Variants in LYPD6 observed in about 807,000 individuals in gnomAD.
LYPD6 encodes the protein ly6/PLAUR domain-containing protein 6.
LYPD6 carries 15 observed loss-of-function variants against 22.7 expected under a neutral mutation model. The observed-to-expected ratio is 0.66, with a 90% confidence interval of 0.44 to 1.02. The LOEUF (loss-of-function observed/expected upper bound fraction) is 1.02. LYPD6 is among the 50% of genes least tolerant of loss of function. LYPD6 has a pLI of 0.00. For synonymous variants in LYPD6, 72 were observed against 77.5 expected (o/e 0.93, Z 0.37); for missense variants, 189 against 208.4 (o/e 0.91, Z 0.57).
At chr2:149,378,306 C>G (rs765039290) in intron 1 of LYPD6, among the ~76,000 whole-genome samples, 1 of 152,060 alleles carries the variant, frequency 6.6e-6, no homozygotes. Context: ...TTTATAGAGA[C>G]AGAATTTCGC....
chr2:149,347,417 A>G (rs940187691), intron 1 of LYPD6, among the ~76,000 whole-genome samples: 1 of 152,112 alleles, frequency 6.6e-6, no homozygotes, highest in East Asian at 1.9e-4. Context: ...CAGGCTCCTC[A>G]TCTCTCTCTG....
Position 149,356,327 on chromosome 2 carries a change from G to A in LYPD6, c.-72+25605G>A, listed in dbSNP as rs941168265. On this transcript the variant is annotated intron_variant, in intron 1 of 4. Coordinates refer to ENST00000334166, the MANE Select transcript of LYPD6 (RefSeq NM_194317.5). ...ATGGACCAATAAGTTTTGGCAGGAGGTAGGACCACATTGTACAAAGTTGTC... is the reference window on the plus strand; with the variant it reads ...ATGGACCAATAAGTTTTGGCAGGAGATAGGACCACATTGTACAAAGTTGTC... Among the ~76,000 whole-genome samples, 11 of 152,138 alleles carry A rather than the reference G, an allele frequency of 7.2e-5. No individual in the cohort carries two copies. The East Asian group carries it at 2.1e-3, about 29-fold the overall frequency.
intron 1 of LYPD6, among the ~76,000 whole-genome samples, chr2:149,404,783 G>A (rs989428913): frequency 5.9e-5 from 9 of 152,160 alleles, no homozygotes; most frequent in Admixed American, 2.0e-4. Flanking sequence ...GAATAGGAGT[G>A]GTGAGAGAGG....
Position 149,425,235 on chromosome 2 carries a change from A to G in LYPD6, c.-71-12403A>G, listed in dbSNP as rs542657266. Among the ~76,000 whole-genome samples, 9 of 152,332 alleles carry G rather than the reference A, an allele frequency of 5.9e-5. No homozygotes were observed. In the East Asian group the frequency reaches 7.7e-4, roughly 13 times the overall value. ...AAGGATGGCACATCAACATCACACCATGCTCACTATTCACTAAGTGACTGA... is the reference window on the plus strand; with the variant it reads ...AAGGATGGCACATCAACATCACACCGTGCTCACTATTCACTAAGTGACTGA... On this transcript the variant is annotated intron_variant, in intron 1 of 4. Coordinates refer to ENST00000334166, the MANE Select transcript of LYPD6 (RefSeq NM_194317.5).
chr2:149,358,498 G>T (rs1225115132), intron 1 of LYPD6, among the ~76,000 whole-genome samples: 1 of 152,136 alleles, frequency 6.6e-6, no homozygotes, highest in Non-Finnish European at 1.5e-5. Flanking sequence ...CCAGAAAGAA[G>T]GCCAAAAGAA....
intron 3 of LYPD6, among the ~76,000 whole-genome samples, chr2:149,467,747 T>C (rs1196658): frequency 0.73 from 110,806 of 152,072 alleles, 41,929 homozygotes; most frequent in East Asian, 0.86. Context: ...TCTTTTTTAA[T>C]GTGAAAGTAG....
At chr2:149,434,723 C>T (rs921462369) in intron 1 of LYPD6, among the ~76,000 whole-genome samples, 4 of 152,146 alleles carry the variant, frequency 2.6e-5, no homozygotes, top group Non-Finnish European at 5.9e-5. Flanking sequence ...TCAGAACCCT[C>T]TCTGTGGCCA....
At chr2:149,339,690 G>T (rs755461635) in intron 1 of LYPD6, among the ~76,000 whole-genome samples, 37 of 152,166 alleles carry the variant, frequency 2.4e-4, no homozygotes, top group Non-Finnish European at 4.4e-4. Context: ...TGAAAACAAG[G>T]GATTTTAGAC....
At chr2:149,470,535 C>G in intron 4 of LYPD6, 148 bp from the exon 5 acceptor site, 1 of 639,038 alleles carries the variant, frequency 1.6e-6, no homozygotes, top group Non-Finnish European at 2.7e-6. Flanking sequence ...TTATCCCCAG[C>G]CTTCCTGAAC....
intron 1 of LYPD6, among the ~76,000 whole-genome samples, chr2:149,424,720 C>T (rs1683154544): frequency 6.6e-6 from 1 of 152,152 alleles, no homozygotes; most frequent in Non-Finnish European, 1.5e-5. Flanking sequence ...GAATGAGAAG[C>T]AGCGTGGTGC....
intron 3 of LYPD6, among the ~76,000 whole-genome samples, chr2:149,459,504 T>C (rs1681039101): frequency 6.6e-6 from 1 of 152,240 alleles, no homozygotes; most frequent in Non-Finnish European, 1.5e-5. Context: ...TACAACAGAA[T>C]GTCCTTCTTC....
At chr2:149,464,237 A>G (rs1333267983) in intron 3 of LYPD6, 1 of 344,012 alleles carries the variant, frequency 2.9e-6, no homozygotes, top group Non-Finnish European at 5.7e-6. Flanking sequence ...CATGGAGAAG[A>G]GAGAAGATTA....
intron 1 of LYPD6, among the ~76,000 whole-genome samples, chr2:149,357,822 G>A (rs532615243): frequency 8.1e-6 from 1 of 124,038 alleles, no homozygotes; most frequent in East Asian, 2.4e-4. Flanking sequence ...ACCTCACTCT[G>A]TTGCCCAGGC....
intron 1 of LYPD6, among the ~76,000 whole-genome samples, chr2:149,351,931 G>A (rs1373473208): frequency 6.6e-6 from 1 of 151,936 alleles, no homozygotes; most frequent in Non-Finnish European, 1.5e-5. Flanking sequence ...GAAGAAGTTG[G>A]CCACAGTCTT....
At chr2:149,454,722 T>C (rs780153930) in intron 3 of LYPD6, among the ~76,000 whole-genome samples, 7 of 152,196 alleles carry the variant, frequency 4.6e-5, no homozygotes, top group Non-Finnish European at 8.8e-5. Flanking sequence ...GAAGTGCTAG[T>C]TGCTGCACAA....
the LYPD6 span, among the ~76,000 whole-genome samples, chr2:149,481,190 G>A: frequency 6.6e-6 from 1 of 152,174 alleles, no homozygotes; most frequent in Non-Finnish European, 1.5e-5. Context: ...ATAAAATGAG[G>A]AAGAAAGAGT....
intron 1 of LYPD6, among the ~76,000 whole-genome samples, chr2:149,366,724 T>G (rs374869477): frequency 1.3e-5 from 2 of 152,290 alleles, no homozygotes; most frequent in South Asian, 2.1e-4. Flanking sequence ...GCTCATAGAG[T>G]ACCTATTTAT....
intron 1 of LYPD6, among the ~76,000 whole-genome samples, chr2:149,347,136 G>A (rs2105054860): frequency 6.6e-6 from 1 of 152,128 alleles, no homozygotes; most frequent in East Asian, 1.9e-4. Flanking sequence ...GGAGGGGAAG[G>A]TGAGAGAAGA....
intron 2 of LYPD6, among the ~76,000 whole-genome samples, chr2:149,444,639 C>T (rs1683641913): frequency 6.6e-6 from 1 of 152,098 alleles, no homozygotes; most frequent in Non-Finnish European, 1.5e-5. Context: ...GAGTAGATTC[C>T]ATCTCAAGAA....
Sources: allele counts gnomAD v4.1 joint callset (sites outside exome capture counted in the v4.1 genomes callset), GRCh38; gene constraint gnomAD v4.1.1; transcripts MANE v1.5; gene names NCBI Gene and HGNC (gene_info 2026-07-23, HGNC 2026-07-21).